The following COL19A1 variants were observed in gnomAD, a reference collection of about 807,000 sequenced individuals.
COL19A1 encodes the protein collagen type XIX alpha 1 chain, also known as collagen alpha-1(XIX) chain.
Under a neutral mutation model 190.2 loss-of-function variants are expected in COL19A1, and 159 were observed. The observed-to-expected ratio is 0.84, with a 90% CI of 0.73 to 0.95. The LOEUF (loss-of-function observed/expected upper bound fraction) is 0.95, where lower values mean the gene tolerates loss of function less well. COL19A1 is among the 40% of genes least tolerant of loss of function. The pLI is 0.00. For synonymous variants in COL19A1, 509 were observed against 458.9 expected, an observed-to-expected ratio of 1.11 and a Z score of -1.39; for missense variants, 1,418 against 1,431.9, an observed-to-expected ratio of 0.99 and a Z score of 0.16.
intron 1 of COL19A1, among the ~76,000 whole-genome samples, chr6:69,870,042 T>C (rs1767729820): frequency 6.6e-6 from 1 of 152,224 alleles, no homozygotes; most frequent in Admixed American, 6.5e-5. Context: ...TGAGCTTTCT[T>C]TTAGTAATTT....
rs539254806 is a variant in COL19A1 at position 69,924,032 on chromosome 6, G to A, written c.267-3877G>A. On this transcript the variant is annotated intron_variant, in intron 4 of 50. Coordinates refer to ENST00000620364, the MANE Select transcript of COL19A1 (RefSeq NM_001858.6). ...AATAAAGACAACAGACAGCACCAAC[G>A]GCAAACCATTGACAGGTAGAGTCTA... 7.2e-5 allele frequency among the ~76,000 whole-genome samples: 11 copies of A among 152,154 alleles called. No homozygotes were observed. The South Asian group carries it at 1.5e-3, about 20-fold the overall frequency.
At chr6:70,180,082 C>T (rs1037127992) in intron 42 of COL19A1, among the ~76,000 whole-genome samples, 8 of 152,072 alleles carry the variant, frequency 5.3e-5, no homozygotes, top group East Asian at 1.9e-4. Context: ...GACAGGGTTT[C>T]GCCACGTTGG....
chr6:69,870,674 C>T (rs1156298465), intron 1 of COL19A1, among the ~76,000 whole-genome samples: 1 of 152,096 alleles, frequency 6.6e-6, no homozygotes, highest in Non-Finnish European at 1.5e-5. Flanking sequence ...CACCAGAAAA[C>T]TTTGAGCAGG....
chr6:70,005,051 C>A (rs1777533507), intron 11 of COL19A1, among the ~76,000 whole-genome samples: 1 of 152,102 alleles, frequency 6.6e-6, no homozygotes, highest in Admixed American at 6.5e-5. Flanking sequence ...CCAGGATGGT[C>A]TCGATCTCCT....
intron 17 of COL19A1, 27 bp downstream of exon 17, chr6:70,121,969 A>G (rs547276643): frequency 4.9e-6 from 7 of 1,414,638 alleles, no homozygotes; most frequent in East Asian, 4.7e-5. Flanking sequence ...CCCATAATTT[A>G]TAATACATAG....
intron 31 of COL19A1, among the ~76,000 whole-genome samples, chr6:70,152,474 G>A (rs1787126308): frequency 6.6e-6 from 1 of 152,124 alleles, no homozygotes; most frequent in African/African-American, 2.4e-5. Context: ...TATTAAAGGA[G>A]TTTCTAAGAC....
At chr6:70,174,048 T>C (rs2150276970) in intron 41 of COL19A1, among the ~76,000 whole-genome samples, 1 of 152,256 alleles carries the variant, frequency 6.6e-6, no homozygotes, top group African/African-American at 2.4e-5. Flanking sequence ...GGACAGAGGC[T>C]GATAGGTGGG....
At chr6:70,154,716 C>T (rs560737166) in intron 31 of COL19A1, among the ~76,000 whole-genome samples, 19 of 152,292 alleles carry the variant, frequency 1.2e-4, no homozygotes, top group African/African-American at 3.8e-4. Context: ...AAGCTGACAG[C>T]GCAGCCTTCA....
intron 2 of COL19A1, among the ~76,000 whole-genome samples, chr6:69,881,117 G>A (rs902443759): frequency 1.3e-5 from 2 of 152,150 alleles, no homozygotes; most frequent in South Asian, 4.1e-4. Flanking sequence ...ACCTCCTATC[G>A]CATATTCCCA....
intron 37 of COL19A1, among the ~76,000 whole-genome samples, chr6:70,167,433 G>T (rs1765230257): frequency 6.6e-6 from 1 of 151,850 alleles, no homozygotes; most frequent in Non-Finnish European, 1.5e-5. Flanking sequence ...TTTAAGTGTT[G>T]GTTACTCTAG....
chr6:69,930,865 G>A (rs781272323), intron 6 of COL19A1, among the ~76,000 whole-genome samples: 13 of 151,994 alleles, frequency 8.6e-5, no homozygotes, highest in African/African-American at 1.2e-4. Context: ...AGAATATCAC[G>A]TGAATCCTTA....
At chr6:69,978,390 T>TA (rs1256125530) in intron 11 of COL19A1, among the ~76,000 whole-genome samples, 2 of 151,846 alleles carry the variant, frequency 1.3e-5, no homozygotes, top group Non-Finnish European at 2.9e-5. Flanking sequence ...ACAAAAAAAA[T>TA]AAAAAACTCA....
rs960731114 is a variant in COL19A1 at position 70,210,779 on chromosome 6, C to CT, written c.*3513dup. 2.0e-5 allele frequency among the ~76,000 whole-genome samples: 3 copies of CT among 151,882 alleles called. No individual in the cohort carries two copies. Among genetic ancestry groups the CT allele is most frequent in the African/African-American group, 4.8e-5 (2 of 41,366 alleles). On this transcript the variant is annotated 3_prime_UTR_variant, in exon 51 of 51. Coordinates refer to ENST00000620364, the MANE Select transcript of COL19A1 (RefSeq NM_001858.6). ...ACTAAATCAGACTCTTGCCTTTGCA[C>CT]TTTTTTTTAACTTTTGTAGATAATT...
In COL19A1 at chr6:70,145,275, T is replaced by C. The variant is rs139116729; in HGVS notation, c.1770+268T>C. On this transcript the variant is annotated intron_variant, in intron 25 of 50. Coordinates refer to ENST00000620364, the MANE Select transcript of COL19A1 (RefSeq NM_001858.6). ...TAGTAGCAATGAGATGGATTCAACCTACATGCCCATCTACAATAGACTAGA... is the reference window on the plus strand; with the variant it reads ...TAGTAGCAATGAGATGGATTCAACCCACATGCCCATCTACAATAGACTAGA... Among the ~76,000 whole-genome samples, 656 of 152,204 alleles carry C rather than the reference T, an allele frequency of 4.3e-3. 7 individuals carry two copies. Among genetic ancestry groups the C allele is most frequent in the African/African-American group, 0.015 (626 of 41,540 alleles).
At chr6:69,918,686 A>G (rs950173068) in intron 4 of COL19A1, among the ~76,000 whole-genome samples, 1 of 152,104 alleles carries the variant, frequency 6.6e-6, no homozygotes, top group African/African-American at 2.4e-5. Context: ...TGCCTGGGTG[A>G]CAGAGTGAGA....
At chr6:70,046,768 G>T (rs1779942779) in intron 14 of COL19A1, among the ~76,000 whole-genome samples, 1 of 152,164 alleles carries the variant, frequency 6.6e-6, no homozygotes, top group Non-Finnish European at 1.5e-5. Flanking sequence ...TAAACTCATA[G>T]ATGGTAAAAT....
At chr6:69,917,737 CTT>C (rs1771403739) in intron 4 of COL19A1, among the ~76,000 whole-genome samples, 1 of 152,058 alleles carries the variant, frequency 6.6e-6, no homozygotes, top group East Asian at 1.9e-4. Flanking sequence ...GGTGTCGAAT[CTT>C]TTGGCTTCCC....
In COL19A1 at chr6:69,927,957, G is replaced by GT. The variant is rs1327347845; in HGVS notation, c.318dup (p.Arg107SerfsTer30). The GT allele has an allele frequency of 1.9e-6, 3 of 1,613,334 alleles. No homozygotes were observed. The highest frequency in any genetic ancestry group is 2.5e-6 in the Non-Finnish European group (3 of 1,179,570). Reference sequence around the variant, plus strand: ...CTGAGGAGTACTCAGTAGCTGCCATGTTTCGAGTACGAAGAAACGCCAAAA... The same window carrying GT: ...CTGAGGAGTACTCAGTAGCTGCCATGTTTTCGAGTACGAAGAAACGCCAAAA... On this transcript the variant is annotated frameshift_variant, in exon 5 of 51. Transcript: ENST00000620364. LOFTEE classifies it high-confidence loss of function.
At chr6:70,094,684 A>G (rs1214607379) in intron 15 of COL19A1, among the ~76,000 whole-genome samples, 1 of 152,194 alleles carries the variant, frequency 6.6e-6, no homozygotes, top group Non-Finnish European at 1.5e-5. Context: ...TGTCTAATTT[A>G]AGATACACGT....
Sources: allele counts gnomAD v4.1 joint callset (sites outside exome capture counted in the v4.1 genomes callset), GRCh38; gene constraint gnomAD v4.1.1; transcripts MANE v1.5; gene names NCBI Gene and HGNC (gene_info 2026-07-23, HGNC 2026-07-21).